The following LPAR6 variants were observed in gnomAD, a reference collection of about 807,000 sequenced individuals.
LPAR6 encodes the protein G-protein coupled purinergic receptor P2Y5.
LPAR6 carries 17 observed loss-of-function variants against 22.0 expected under a neutral mutation model. That is an observed-to-expected ratio of 0.77 (90% confidence interval 0.53 to 1.16). The LOEUF is 1.16. LPAR6 is among the 50% of genes most tolerant of loss of function. The probability of loss-of-function intolerance (pLI) is 0.00; values close to 1 mark genes in which losing one functional copy is unlikely to be tolerated. For synonymous variants in LPAR6, 136 were observed against 139.8 expected (o/e 0.97, Z 0.19); for missense variants, 384 against 406.9 (o/e 0.94, Z 0.48).
At chr13:48,407,333 T>C (rs1020119729), downstream of LPAR6, among the ~76,000 whole-genome samples, 2 of 152,194 alleles carry the variant, frequency 1.3e-5, no homozygotes, top group Non-Finnish European at 2.9e-5. Flanking sequence ...TAAGAGGTTA[T>C]TGTAGTAAAT....
intron 1 of LPAR6, among the ~76,000 whole-genome samples, chr13:48,441,844 G>A (rs1006193322): frequency 6.6e-6 from 1 of 151,862 alleles, no homozygotes; most frequent in African/African-American, 2.4e-5. Context: ...TAAGAGGCAG[G>A]AATTATTTAA....
chr13:48,410,006 T>C (rs1215609578), downstream of LPAR6, among the ~76,000 whole-genome samples: 7 of 152,166 alleles, frequency 4.6e-5, no homozygotes, highest in Non-Finnish European at 1.0e-4. Flanking sequence ...ATAGTTTTGT[T>C]TAGTTATTTG....
At chr13:48,418,300 G>A (rs1296634095) in intron 2 of LPAR6, among the ~76,000 whole-genome samples, 1 of 152,102 alleles carries the variant, frequency 6.6e-6, no homozygotes, top group African/African-American at 2.4e-5. Context: ...AAGTGAATGA[G>A]AAATAAAATC....
At chr13:48,440,250 C>T (rs1949223997) in intron 1 of LPAR6, among the ~76,000 whole-genome samples, 2 of 151,918 alleles carry the variant, frequency 1.3e-5, no homozygotes, top group South Asian at 2.1e-4. Context: ...AAAATATAAC[C>T]GAAAACTAAA....
chr13:48,436,634 ACT>A (rs1009257689), intron 1 of LPAR6, among the ~76,000 whole-genome samples: 53 of 144,022 alleles, frequency 3.7e-4, no homozygotes, highest in African/African-American at 1.3e-3. Flanking sequence ...CAAGAGCAAG[ACT>A]CTCTCTTAAA....
intron 1 of LPAR6, among the ~76,000 whole-genome samples, chr13:48,399,816 A>T (rs1948676794): frequency 6.6e-6 from 1 of 151,990 alleles, no homozygotes; most frequent in Non-Finnish European, 1.5e-5. Context: ...CCTATGTCTG[A>T]TCCCTAAGTC....
chr13:48,417,460 G>A (rs1487433495), upstream of LPAR6: 1 of 152,188 alleles, frequency 6.6e-6, no homozygotes, highest in Non-Finnish European at 1.5e-5. Context: ...ATAAATCCAT[G>A]AAGATGAGGA....
chr13:48,402,639 A>T (rs143724492), intron 1 of LPAR6, among the ~76,000 whole-genome samples: 54 of 152,142 alleles, frequency 3.5e-4, no homozygotes, highest in African/African-American at 1.3e-3. Context: ...GGCTTCCCAA[A>T]GTGCTGGGAT....
At chr13:48,443,642 T>C (rs1426823103) in intron 1 of LPAR6, among the ~76,000 whole-genome samples, 1 of 152,210 alleles carries the variant, frequency 6.6e-6, no homozygotes, top group Non-Finnish European at 1.5e-5. Flanking sequence ...ATTTTGCCAG[T>C]GTATCTTAAA....
At chr13:48,398,157 G>T (rs1193652421) in intron 1 of LPAR6, among the ~76,000 whole-genome samples, 1 of 152,054 alleles carries the variant, frequency 6.6e-6, no homozygotes. Context: ...ATTTTTAAAA[G>T]CTTCTCATGA....
rs142412820 is a variant in LPAR6 at position 48,419,910 on chromosome 13, A to G, written c.-953-2590T>C. ...GGCAGTAATTAATAGCGTACCAACC[A>G]AAAAAATCCCAGGAGCAGATGGATT... On this transcript the variant is annotated intron_variant, in intron 2 of 4. Coordinates refer to the LPAR6 transcript ENST00000345941. Among the ~76,000 whole-genome samples, 1,237 of 152,296 alleles carry G rather than the reference A, an allele frequency of 8.1e-3. 15 individuals carry two copies. Among genetic ancestry groups the G allele is most frequent in the African/African-American group, 0.028 (1,180 of 41,554 alleles).
chr13:48,408,560 T>C (rs962038995), downstream of LPAR6: 1 of 152,070 alleles, frequency 6.6e-6, no homozygotes, highest in African/African-American at 2.4e-5. Flanking sequence ...AGTTCTAATA[T>C]TAATATAGGT....
chr13:48,415,687 GT>G (rs1161021896), upstream of LPAR6: 4 of 152,250 alleles, frequency 2.6e-5, 1 homozygote, highest in South Asian at 6.2e-4. Context: ...GTAAATGTTT[GT>G]ATAATTCTTA....
chr13:48,413,539 A>G (rs541259569), upstream of LPAR6, among the ~76,000 whole-genome samples: 3 of 152,338 alleles, frequency 2.0e-5, no homozygotes, highest in Admixed American at 6.5e-5. Flanking sequence ...TTTAATGACT[A>G]TGAAACAGGG....
rs9562821 is a variant in LPAR6, at chr13:48,419,887, C to T, written c.-953-2567G>A. On this transcript the variant is annotated intron_variant, in intron 2 of 4. Coordinates refer to the LPAR6 transcript ENST00000345941. The stretch of plus-strand genomic sequence containing the variant: ...CCAATAACAAGTTCTGAAATTGAGG[C>T]AGTAATTAATAGCGTACCAACCAAA... Among the ~76,000 whole-genome samples, 470 of 152,240 alleles carry T rather than the reference C, an allele frequency of 3.1e-3. 3 individuals carry two copies. Among genetic ancestry groups the T allele is most frequent in the East Asian group, 9.1e-3 (47 of 5,188 alleles).
intron 1 of LPAR6, among the ~76,000 whole-genome samples, chr13:48,432,634 T>A (rs1402625441): frequency 1.3e-5 from 2 of 152,206 alleles, no homozygotes; most frequent in Middle Eastern, 3.2e-3. Context: ...GAGACTGAAC[T>A]TTCTTCTCCT....
downstream of LPAR6, among the ~76,000 whole-genome samples, chr13:48,406,966 T>C (rs1948745945): frequency 6.6e-6 from 1 of 152,230 alleles, no homozygotes; most frequent in South Asian, 2.1e-4. Flanking sequence ...TTGTGTCTGT[T>C]GTTTAGTCTT....
chr13:48,422,650 C>G (rs1237351801), exon 2 of LPAR6: 1 of 151,826 alleles, frequency 6.6e-6, no homozygotes, highest in Admixed American at 6.6e-5. Context: ...TAAAAATTAC[C>G]TGGGTGTGGT....
At chr13:48,417,904 G>C (rs112309527), upstream of LPAR6, among the ~76,000 whole-genome samples, 15 of 152,298 alleles carry the variant, frequency 9.8e-5, no homozygotes, top group South Asian at 3.1e-3. Flanking sequence ...ATGTTTGATT[G>C]TCCCTGTACC....
Sources: gnomAD v4.1 joint callset for allele counts (sites outside exome capture counted in the v4.1 genomes callset) on GRCh38, gnomAD v4.1.1 for gene constraint, MANE v1.5 for transcripts, NCBI Gene and HGNC (gene_info 2026-07-23, HGNC 2026-07-21) for gene names.